Variants in RBM15B observed in about 807,000 individuals in gnomAD.
The protein encoded by RBM15B is putative RNA-binding protein 15B.
In RBM15B, 11 loss-of-function variants were observed where a neutral mutation model predicts 53.3. The ratio of observed to expected loss-of-function variants is 0.21; its 90% CI spans 0.13 to 0.34. RBM15B has a LOEUF of 0.34. Ranked by LOEUF, RBM15B falls within the 10% of genes least tolerant of loss-of-function variation. The probability of loss-of-function intolerance (pLI) is 1.00; values close to 1 mark genes in which losing one functional copy is unlikely to be tolerated. For synonymous variants in RBM15B, 631 were observed against 540.7 expected (o/e 1.17, Z -2.32); for missense variants, 1,136 against 1,250.3 (o/e 0.91, Z 1.38).
At position 51,396,553 on chromosome 3, in the gene RBM15B, T is replaced by C. The variant is rs2089218563; in HGVS notation, c.*2481T>C. ...CCCCACCCAGGGTTCAGGCCCTGTC[T>C]AAGGTGTTGCTTAAAGACAAAAAGG... On this transcript the variant is annotated 3_prime_UTR_variant, in exon 1 of 1. Transcript: ENST00000563281. The C allele has an allele frequency of 6.0e-6, 1 of 167,108 alleles. No homozygotes were observed. Among genetic ancestry groups the C allele is most frequent in the African/African-American group, 2.4e-5 (1 of 41,442 alleles). The allele number at this position is 167,108 out of a possible 1,614,324, so 10.4% of individuals were successfully genotyped here.
rs201691155 is a variant in RBM15B at position 51,393,200 on chromosome 3, A to G, written c.1801A>G (p.Ser601Gly). The G allele has an allele frequency of 1.0e-4, 166 of 1,613,950 alleles. No homozygotes were observed. The Middle Eastern group carries it at 4.9e-3, about 48-fold the overall frequency. ...GAGGCGGAAACGGAGAAGCCTTTCC[A>G]GTGACCGTGGGAGGACAACCCATTC... Reference protein sequence around the residue: ...EERRKRRSLSSDRGRTTHSPY... With the variant: ...EERRKRRSLSGDRGRTTHSPY... The change falls in exon 1 of 1, where the codon AGT becomes GGT. Residue 601 changes from serine to glycine, a missense_variant. Ser to Gly is a moderately conservative substitution (Grantham distance 56, BLOSUM62 0). Around this residue, in one of 7 missense-constraint regions of RBM15B, gnomAD observed 578 missense variants for 581.6 expected, o/e 0.99. Coordinates refer to ENST00000563281, the MANE Select transcript of RBM15B (RefSeq NM_013286.5). The surrounding 1 kb of genome is among the most constrained non-coding windows in gnomAD (Gnocchi z 5.6).
rs782773117 is a variant in RBM15B, at chr3:51,393,932, A to G, written c.2533A>G (p.Lys845Glu). The stretch of plus-strand genomic sequence containing the variant: ...GATCAGCTTGCCAGTGGGGGGGTCC[A>G]AGGGCAGAGACGGCACAGGCATGCT... ...GVISLPVGGS[K>E]GRDGTGMLYA... Residue 845 changes from lysine (K) to glutamate (E), a missense_variant, in exon 1 of 1, where the codon AAG (lysine) becomes GAG (glutamate). Around this residue, in one of 7 missense-constraint regions of RBM15B, gnomAD observed 578 missense variants for 581.6 expected, o/e 0.99. Coordinates refer to ENST00000563281, the MANE Select transcript of RBM15B (RefSeq NM_013286.5). The surrounding 1 kb of genome is among the most constrained non-coding windows in gnomAD (Gnocchi z 5.6). 1.3e-6 allele frequency: 2 copies of G among 1,539,988 alleles called. No homozygotes were observed. The highest frequency in any genetic ancestry group is 1.7e-6 in the Non-Finnish European group (2 of 1,144,788).
Position 51,393,059 on chromosome 3 carries a change from A to T in RBM15B, c.1660A>T (p.Ser554Cys). The T allele has an allele frequency of 6.2e-7, 1 of 1,613,882 alleles. No homozygotes were observed. Among genetic ancestry groups the T allele is most frequent in the Non-Finnish European group, 8.5e-7 (1 of 1,179,956 alleles). ...TTTGGAAGGGGACTGGACCAGCCCC[A>T]GTAAAAGCTCTGACCGCCGAAACAG... ...TFLEGDWTSP[S>C]KSSDRRNSLE... The change falls in exon 1 of 1, where the codon AGT (serine) becomes TGT (cysteine). Residue 554 changes from serine to cysteine, a missense_variant. Coordinates refer to ENST00000563281, the MANE Select transcript of RBM15B (RefSeq NM_013286.5). This position sits in a 1 kb window ranked among gnomAD's most constrained non-coding sequence, Gnocchi z 5.6.
In RBM15B at chr3:51,393,988, G is replaced by A; in HGVS notation, c.2589G>A (p.Gln863=). The stretch of plus-strand genomic sequence containing the variant: ...CCTTCCCACCCTGCGACTTTTCCCA[G>A]CAGTACCTCCAGTCAGCACTAAGGA... ...LYAFPPCDFS[Q]QYLQSALRTL... Residue 863 remains glutamine (Q), a synonymous_variant, in exon 1 of 1, where the codon CAG becomes CAA. Coordinates refer to ENST00000563281, the MANE Select transcript of RBM15B (RefSeq NM_013286.5). This position sits in a 1 kb window ranked among gnomAD's most constrained non-coding sequence, Gnocchi z 5.6. The A allele has an allele frequency of 6.6e-7, 1 of 1,513,050 alleles. No homozygotes were observed. The highest frequency in any genetic ancestry group is 8.8e-7 in the Non-Finnish European group (1 of 1,131,444). The allele number at this position is 1,513,050 out of a possible 1,614,324, so 93.7% of individuals were successfully genotyped here.
In RBM15B at chr3:51,393,128, C is replaced by T. The variant is rs372043035; in HGVS notation, c.1729C>T (p.Arg577Cys). The T allele has an allele frequency of 6.2e-7, 1 of 1,613,996 alleles. No homozygotes were observed. The highest frequency in any genetic ancestry group is 1.1e-5 in the South Asian group (1 of 91,082). ...CTCAGTGCGCAGCCGGAGTGGTGAG[C>T]GTTGGGGGGCAGATGGAGACCGTGG... ...SRSVRSRSGE[R>C]WGADGDRGLP... The change falls in exon 1 of 1, where the codon CGT becomes TGT. Residue 577 changes from arginine to cysteine, a missense_variant. Physicochemically the swap from Arg to Cys is radical, Grantham distance 180 (BLOSUM62 -3). Transcript: ENST00000563281. This position sits in a 1 kb window ranked among gnomAD's most constrained non-coding sequence, Gnocchi z 5.6.
chr3:51,392,063 G>A lies in RBM15B; in HGVS notation c.664G>A (p.Gly222Ser), dbSNP rs1445425011. The A allele has an allele frequency of 3.2e-6, 5 of 1,586,174 alleles. No homozygotes were observed. The Admixed American group carries it at 8.7e-5, about 27-fold the overall frequency. The change falls in exon 1 of 1, where the codon GGC (glycine) becomes AGC (serine). Residue 222 changes from glycine to serine, a missense_variant. This residue lies in a region of RBM15B where 204 missense variants were observed against 196.8 expected (regional missense o/e 1.04). Transcript: ENST00000563281. This position sits in a 1 kb window ranked among gnomAD's most constrained non-coding sequence, Gnocchi z 7.5. ...GGTAGAGCCCGTGTACCTGCGTGGC[G>A]GCGGCGGGAGCAGTCGGCGAAGTAG... ...LKVEPVYLRGGGGSSRRSSSS... is the reference protein window; with the variant it reads ...LKVEPVYLRGSGGSSRRSSSS...
rs1190210147 is a variant in RBM15B, at chr3:51,395,847, TAACAA to T, written c.*1780_*1784del. 1.2e-5 allele frequency: 5 copies of T among 413,428 alleles called. No homozygotes were observed. Among genetic ancestry groups the T allele is most frequent in the Non-Finnish European group, 1.8e-5 (4 of 226,156 alleles). The allele number at this position is 413,428 out of a possible 1,614,324, so 25.6% of individuals were successfully genotyped here. A position where few individuals can be genotyped will look rare whatever the true frequency, so the allele number is the denominator to read the frequency against. On this transcript the variant is annotated 3_prime_UTR_variant, in exon 1 of 1. Transcript: ENST00000563281. ...CCTCGCAAGAGAGCAAGCACGTTCA[TAACAA>T]AACAGCAACACAAAGACATGTTAAG...
In RBM15B at chr3:51,392,429, C is replaced by T. The variant is rs2089054585; in HGVS notation, c.1030C>T (p.Leu344=). 3.7e-6 allele frequency: 6 copies of T among 1,614,066 alleles called. No homozygotes were observed. The highest frequency in any genetic ancestry group is 4.2e-6 in the Non-Finnish European group (5 of 1,180,050). Residue 344 remains leucine, a synonymous_variant, in exon 1 of 1, where the codon CTG becomes TTG. Transcript: ENST00000563281. The surrounding 1 kb of genome is among the most constrained non-coding windows in gnomAD (Gnocchi z 7.5). ...RATRNLFIGN[L]DHSVSEVELR... ...CACGCGCAACCTCTTCATTGGTAAC[C>T]TGGACCACAGCGTATCTGAGGTGGA...
In RBM15B at chr3:51,392,422, T is replaced by C. The variant is rs1553621766; in HGVS notation, c.1023T>C (p.Ile341=). 2 of 1,614,026 alleles carry C rather than the reference T, an allele frequency of 1.2e-6. No individual in the cohort carries two copies. Among genetic ancestry groups the C allele is most frequent in the Non-Finnish European group, 1.7e-6 (2 of 1,180,026 alleles). Residue 341 remains isoleucine (I), a synonymous_variant, in exon 1 of 1, where the codon ATT becomes ATC. Coordinates refer to ENST00000563281, the MANE Select transcript of RBM15B (RefSeq NM_013286.5). The surrounding 1 kb of genome is among the most constrained non-coding windows in gnomAD (Gnocchi z 7.5). The stretch of plus-strand genomic sequence containing the variant: ...AGCGGGCCACGCGCAACCTCTTCAT[T>C]GGTAACCTGGACCACAGCGTATCTG... ...DDQRATRNLF[I]GNLDHSVSEV...
In RBM15B at chr3:51,393,614, A is replaced by T. The variant is rs1553622015; in HGVS notation, c.2215A>T (p.Ile739Phe). The change falls in exon 1 of 1, where the codon ATC (isoleucine) becomes TTC (phenylalanine). Residue 739 changes from isoleucine (I) to phenylalanine (F), a missense_variant. By Grantham distance (21) the Ile-to-Phe change is conservative. Transcript: ENST00000563281. This position sits in a 1 kb window ranked among gnomAD's most constrained non-coding sequence, Gnocchi z 5.6. ...KNSCFPTSMHILEGDQGVISS... is the reference protein window; with the variant it reads ...KNSCFPTSMHFLEGDQGVISS... ...CAGCTGCTTCCCCACGTCTATGCAT[A>T]TCCTAGAGGGGGACCAGGGGGTGAT... The T allele has an allele frequency of 6.2e-7, 1 of 1,613,930 alleles. No individual in the cohort carries two copies. The highest frequency in any genetic ancestry group is 1.1e-5 in the South Asian group (1 of 91,074).
In RBM15B at chr3:51,392,263, G is replaced by T; in HGVS notation, c.864G>T (p.Leu288=). ...RARHAAAAFA[L]DAAAAAAVGL... ...GTCACGCCGCCGCAGCCTTCGCCCTGGATGCCGCTGCTGCCGCCGCCGTGG... is the reference window on the plus strand; with the variant it reads ...GTCACGCCGCCGCAGCCTTCGCCCTTGATGCCGCTGCTGCCGCCGCCGTGG... The change falls in exon 1 of 1, where the codon CTG becomes CTT. Residue 288 remains leucine (L), a synonymous_variant. Transcript: ENST00000563281. This position sits in a 1 kb window ranked among gnomAD's most constrained non-coding sequence, Gnocchi z 7.5. 1 of 1,600,514 alleles carries T rather than the reference G, an allele frequency of 6.2e-7. No individual in the cohort carries two copies.
Position 51,394,302 on chromosome 3 carries a change from C to T in RBM15B, c.*230C>T. On this transcript the variant is annotated 3_prime_UTR_variant, in exon 1 of 1. Coordinates refer to ENST00000563281, the MANE Select transcript of RBM15B (RefSeq NM_013286.5). The stretch of plus-strand genomic sequence containing the variant: ...TCCGGTTATGTTGATTTCTAGTGTA[C>T]AAGATACTGTCTGCTGTGGTTCTGT... 2.0e-6 allele frequency: 1 copy of T among 496,796 alleles called. No homozygotes were observed. 30.8% of individuals were successfully genotyped at this position (496,796 alleles called of 1,614,324 possible).
At position 51,392,237 on chromosome 3, in the gene RBM15B, C is replaced by G. The variant is rs782347986; in HGVS notation, c.838C>G (p.Arg280Gly). The change falls in exon 1 of 1, where the codon CGT becomes GGT. Residue 280 changes from arginine to glycine, a missense_variant. Coordinates refer to ENST00000563281, the MANE Select transcript of RBM15B (RefSeq NM_013286.5). The surrounding 1 kb of genome is among the most constrained non-coding windows in gnomAD (Gnocchi z 7.5). ...CCCGCCCCTGCGGGAGCCCCGTGCC[C>G]GTCACGCCGCCGCAGCCTTCGCCCT... The part of the protein sequence containing the change: ...AAPPLREPRA[R>G]HAAAAFALDA... 1.9e-6 allele frequency: 3 copies of G among 1,574,114 alleles called. No individual in the cohort carries two copies. Among genetic ancestry groups the G allele is most frequent in the Admixed American group, 1.8e-5 (1 of 54,922 alleles).
In RBM15B at chr3:51,396,885, T is replaced by C. The variant is rs899710047; in HGVS notation, c.*2813T>C. The C allele has an allele frequency of 1.2e-5, 2 of 167,040 alleles. No individual in the cohort carries two copies. Among genetic ancestry groups the C allele is most frequent in the African/African-American group, 4.8e-5 (2 of 41,452 alleles). 10.3% of individuals were successfully genotyped at this position (167,040 alleles called of 1,614,324 possible). A position where few individuals can be genotyped will look rare whatever the true frequency, so the allele number is the denominator to read the frequency against. On this transcript the variant is annotated 3_prime_UTR_variant, in exon 1 of 1. Transcript: ENST00000563281. ...CTTCTGATGCCATCAGTACCAGCAG[T>C]CAGACTATTCCACTGGTTAAGTGTT...
At position 51,391,455 on chromosome 3, in the gene RBM15B, C is replaced by A; in HGVS notation, c.56C>A (p.Ser19Tyr). ...SSPSGRGSSS[S>Y]AKRPRERERE... ...CCGAGCGGGCGCGGCTCGTCATCGT[C>A]CGCCAAGCGTCCGCGGGAGCGCGAA... Residue 19 changes from serine (S) to tyrosine (Y), a missense_variant, in exon 1 of 1, where the codon TCC becomes TAC. Ser to Tyr is a moderately radical substitution (Grantham distance 144). Around this residue, in one of 7 missense-constraint regions of RBM15B, gnomAD observed 257 missense variants for 261.1 expected, o/e 0.98. Transcript: ENST00000563281. The surrounding 1 kb of genome is among the most constrained non-coding windows in gnomAD (Gnocchi z 4.5). 4.7e-6 allele frequency: 6 copies of A among 1,269,744 alleles called. No individual in the cohort carries two copies. The South Asian group carries it at 1.4e-4, about 30-fold the overall frequency. The allele number at this position is 1,269,744 out of a possible 1,614,324, so 78.7% of individuals were successfully genotyped here.
chr3:51,394,096 C>A lies in RBM15B; in HGVS notation c.*24C>A. 1 of 1,399,912 alleles carries A rather than the reference C, an allele frequency of 7.1e-7. No homozygotes were observed. Among genetic ancestry groups the A allele is most frequent in the Non-Finnish European group, 9.3e-7 (1 of 1,071,852 alleles). 86.7% of individuals were successfully genotyped at this position (1,399,912 alleles called of 1,614,324 possible). ...AGCCCAAGCCTGTCTTTCCCAGCGT[C>A]ATGTTTGTGTCACAAAAGCAGTTAT... is the stretch of plus-strand genomic sequence containing the variant. On this transcript the variant is annotated 3_prime_UTR_variant, in exon 1 of 1. Coordinates refer to ENST00000563281, the MANE Select transcript of RBM15B (RefSeq NM_013286.5).
At position 51,393,752 on chromosome 3, in the gene RBM15B, C is replaced by A; in HGVS notation, c.2353C>A (p.Gln785Lys). ...TGACGAGGTCACACGACGCATCAAG[C>A]AGGGGAGCCCCAACGGCTATGCGGT... is the stretch of plus-strand genomic sequence containing the variant. ...KLDEVTRRIK[Q>K]GSPNGYAVLL... The change falls in exon 1 of 1, where the codon CAG becomes AAG. Residue 785 changes from glutamine (Q) to lysine (K), a missense_variant. Physicochemically the swap from Gln to Lys is moderately conservative, Grantham distance 53. Coordinates refer to ENST00000563281, the MANE Select transcript of RBM15B (RefSeq NM_013286.5). The surrounding 1 kb of genome is among the most constrained non-coding windows in gnomAD (Gnocchi z 5.6). 1.2e-6 allele frequency: 2 copies of A among 1,613,864 alleles called. No homozygotes were observed. Among genetic ancestry groups the A allele is most frequent in the Non-Finnish European group, 1.7e-6 (2 of 1,180,038 alleles).
rs1182307494 is a variant in RBM15B, at chr3:51,395,974, C to T, written c.*1902C>T. 2 of 413,312 alleles carry T rather than the reference C, an allele frequency of 4.8e-6. No individual in the cohort carries two copies. The highest frequency in any genetic ancestry group is 8.8e-6 in the Non-Finnish European group (2 of 226,114). The allele number at this position is 413,312 out of a possible 1,614,324, so 25.6% of individuals were successfully genotyped here. On this transcript the variant is annotated 3_prime_UTR_variant, in exon 1 of 1. Coordinates refer to ENST00000563281, the MANE Select transcript of RBM15B (RefSeq NM_013286.5). ...GTCAGTTGGGTACAGCAGGACACGC[C>T]ACCATTCCAGGGTAGCTGGTACCGC...
chr3:51,394,151 C>A lies in RBM15B; in HGVS notation c.*79C>A. 1 of 1,315,876 alleles carries A rather than the reference C, an allele frequency of 7.6e-7. No individual in the cohort carries two copies. Among genetic ancestry groups the A allele is most frequent in the Non-Finnish European group, 9.8e-7 (1 of 1,024,312 alleles). The allele number at this position is 1,315,876 out of a possible 1,614,324, so 81.5% of individuals were successfully genotyped here. ...AAATCTGATCCCCTCTCTACCCTAC[C>A]ACTTTGGTTTGAATTATCTCCTGGG... On this transcript the variant is annotated 3_prime_UTR_variant, in exon 1 of 1. Coordinates refer to ENST00000563281, the MANE Select transcript of RBM15B (RefSeq NM_013286.5).
Sources: gnomAD v4.1 joint callset for allele counts on GRCh38, gnomAD v4.1.1 for gene constraint, gnomAD v4.1.1 regional missense constraint, Gnocchi (gnomAD v3.1) non-coding constraint, MANE v1.5 for transcripts, NCBI Gene and HGNC (gene_info 2026-07-23, HGNC 2026-07-21) for gene names.